The following SMIM35 variants were observed in gnomAD, a reference collection of about 807,000 sequenced individuals.
SMIM35 encodes the protein TMPRSS4 antisense RNA 1 (non-protein coding).
At chr11:118,026,748 G>A (rs944429874) in intron 1 of SMIM35, among the ~76,000 whole-genome samples, 1 of 152,080 alleles carries the variant, frequency 6.6e-6, no homozygotes, top group Non-Finnish European at 1.5e-5. Context: ...CAGGAGAATT[G>A]CTTGAGCCCA....
At chr11:118,080,498 G>A (rs1356752087) in intron 1 of SMIM35, among the ~76,000 whole-genome samples, 1 of 152,166 alleles carries the variant, frequency 6.6e-6, no homozygotes, top group Non-Finnish European at 1.5e-5. Flanking sequence ...CAAGCTCTGT[G>A]CCTGGGTGCT....
At chr11:118,036,602 C>T (rs770803849) in intron 1 of SMIM35, among the ~76,000 whole-genome samples, 43 of 152,162 alleles carry the variant, frequency 2.8e-4, no homozygotes, top group Non-Finnish European at 5.1e-4. Context: ...GGGAGAAGGG[C>T]GCTCCTTGGA....
At chr11:118,033,386 T>A (rs753799653) in intron 1 of SMIM35, among the ~76,000 whole-genome samples, 5 of 152,222 alleles carry the variant, frequency 3.3e-5, no homozygotes, top group Non-Finnish European at 7.3e-5. Context: ...TTGGTCAAAG[T>A]CCTTTGACAA....
rs1944554822 is a variant in SMIM35 at position 118,070,538 on chromosome 11, A to G, written c.7+16213T>C. On this transcript the variant is annotated intron_variant, in intron 1 of 4. Transcript: ENST00000689828. Reference sequence around the variant, plus strand: ...TGTATGTTCATGGTCTGGAGTTTATAGTGCATGTAGGATGGAAAGCAGTAT... The same window carrying G: ...TGTATGTTCATGGTCTGGAGTTTATGGTGCATGTAGGATGGAAAGCAGTAT... Among the ~76,000 whole-genome samples, 2 of 152,202 alleles carry G rather than the reference A, an allele frequency of 1.3e-5. 1 individual carries two copies. Among genetic ancestry groups the G allele is most frequent in the African/African-American group, 4.8e-5 (2 of 41,456 alleles).
chr11:118,014,713 T>A lies in SMIM35; in HGVS notation c.153A>T (p.Gln51His). The part of the protein sequence containing the change: ...EGPNFVFNLY[Q>H]IRNLKDLEMG... ...TATTCCCTGAATTTACTCACCGGATTTGATATAAGTTGAAGACAAAATTAG... is the reference window on the plus strand; with the variant it reads ...TATTCCCTGAATTTACTCACCGGATATGATATAAGTTGAAGACAAAATTAG... The change falls in exon 3 of 5, where the codon CAA becomes CAT. Residue 51 changes from glutamine to histidine, a missense_variant. Physicochemically the swap from Gln to His is conservative, Grantham distance 24. Transcript: ENST00000689828. 2 of 398,894 alleles carry A rather than the reference T, an allele frequency of 5.0e-6. No homozygotes were observed. The highest frequency in any genetic ancestry group is 7.1e-5 in the East Asian group (2 of 28,080). The allele number at this position is 398,894 out of a possible 1,614,324, so 24.7% of individuals were successfully genotyped here. A position where few individuals can be genotyped will look rare whatever the true frequency, so the allele number is the denominator to read the frequency against.
chr11:118,024,090 T>G (rs2058254475), intron 1 of SMIM35, among the ~76,000 whole-genome samples: 4 of 151,680 alleles, frequency 2.6e-5, no homozygotes, highest in Admixed American at 2.6e-4. Flanking sequence ...CTAATATATG[T>G]GTAATTAGAT....
At chr11:118,083,362 T>C (rs887737709) in intron 1 of SMIM35, among the ~76,000 whole-genome samples, 2 of 152,162 alleles carry the variant, frequency 1.3e-5, no homozygotes, top group Admixed American at 1.3e-4. Context: ...CCGAGAGAGT[T>C]CACACAGGTC....
intron 1 of SMIM35, among the ~76,000 whole-genome samples, chr11:118,065,782 CT>C (rs1213947409): frequency 2.0e-5 from 3 of 152,150 alleles, no homozygotes; most frequent in Non-Finnish European, 2.9e-5. Flanking sequence ...GTGGAGTGTG[CT>C]TTTGTTTTCA....
chr11:118,027,251 T>A (rs373243086), intron 1 of SMIM35, among the ~76,000 whole-genome samples: 1 of 150,040 alleles, frequency 6.7e-6, no homozygotes, highest in East Asian at 2.0e-4. Flanking sequence ...ATGGTCTCGA[T>A]CTCCTGACCT....
At chr11:118,021,950 A>G (rs543541447) in intron 1 of SMIM35, among the ~76,000 whole-genome samples, 1 of 152,074 alleles carries the variant, frequency 6.6e-6, no homozygotes, top group Non-Finnish European at 1.5e-5. Context: ...TACATCCAAC[A>G]TCTGGGGAAT....
At chr11:118,028,689 G>A in intron 1 of SMIM35, 1 of 293,784 alleles carries the variant, frequency 3.4e-6, no homozygotes, top group Non-Finnish European at 6.8e-6. Flanking sequence ...GGAGAAGGTG[G>A]AGAGGAAAAA....
chr11:118,015,916 C>CCCCTGGGA (rs2058178901), intron 1 of SMIM35, 107 bp from the exon 2 acceptor site: 1 of 398,234 alleles, frequency 2.5e-6, no homozygotes, highest in African/African-American at 2.1e-5. Context: ...ACATAACTGT[C>CCCCTGGGA]CCCTGGGAGC....
At chr11:118,052,559 A>G (rs569723856) in intron 1 of SMIM35, among the ~76,000 whole-genome samples, 45 of 152,246 alleles carry the variant, frequency 3.0e-4, no homozygotes, top group African/African-American at 1.0e-3. Context: ...TGTAAGCCTC[A>G]GGCCCCCACA....
intron 1 of SMIM35, among the ~76,000 whole-genome samples, chr11:118,039,382 T>A (rs1243342197): frequency 6.6e-6 from 1 of 151,792 alleles, no homozygotes; most frequent in Non-Finnish European, 1.5e-5. Flanking sequence ...GGCCCAGGAG[T>A]TCTGTAATGG....
rs1358181533 is a variant in SMIM35, at chr11:118,058,635, C to T, written c.7+28116G>A. On this transcript the variant is annotated intron_variant, in intron 1 of 4. Transcript: ENST00000689828. ...ACCTCAGGGAACTCAGGGCAGGTGC[C>T]TCTCTATCAAAGGAGGGGCAGTGCA... is the stretch of plus-strand genomic sequence containing the variant. Among the ~76,000 whole-genome samples, 7 of 152,206 alleles carry T rather than the reference C, an allele frequency of 4.6e-5. No individual in the cohort carries two copies. In the East Asian group the frequency reaches 1.3e-3, roughly 29 times the overall value.
At chr11:118,010,264 G>A (rs1448687546) in intron 4 of SMIM35, among the ~76,000 whole-genome samples, 2 of 152,166 alleles carry the variant, frequency 1.3e-5, no homozygotes, top group Non-Finnish European at 2.9e-5. Flanking sequence ...CAGAGAGAGG[G>A]GCACCAGAGA....
chr11:118,021,645 C>T (rs1459054067), intron 1 of SMIM35, among the ~76,000 whole-genome samples: 1 of 152,040 alleles, frequency 6.6e-6, no homozygotes, highest in Non-Finnish European at 1.5e-5. Flanking sequence ...TGAAGTGGCT[C>T]TGTGGATATC....
At chr11:118,014,791 T>C (rs898280573) in intron 2 of SMIM35, 50 bp from the exon 3 acceptor site, 2 of 398,794 alleles carry the variant, frequency 5.0e-6, no homozygotes. Context: ...GGGGAAGCAG[T>C]CCGCCACCCT....
At chr11:118,066,773 C>T (rs1001974576) in intron 1 of SMIM35, among the ~76,000 whole-genome samples, 14 of 151,166 alleles carry the variant, frequency 9.3e-5, no homozygotes, top group African/African-American at 3.2e-4. Context: ...TGCAGTGAGT[C>T]GTGATCCTGC....
Sources: allele counts gnomAD v4.1 joint callset (sites outside exome capture counted in the v4.1 genomes callset), GRCh38; gene constraint gnomAD v4.1.1; transcripts MANE v1.5; gene names NCBI Gene and HGNC (gene_info 2026-07-23, HGNC 2026-07-21).